Variants in SCN10A observed in about 807,000 individuals in gnomAD.
The protein encoded by SCN10A is sodium channel protein type 10 subunit alpha.
SCN10A carries 162 observed loss-of-function variants against 170.7 expected under a neutral mutation model. The observed-to-expected ratio is 0.95, with a 90% CI of 0.84 to 1.08. The LOEUF is 1.08. Ranked by LOEUF, SCN10A falls within the 50% of genes least tolerant of loss-of-function variation. The pLI is 0.00. For missense variants in SCN10A, 2,527 were observed against 2,436.9 expected (o/e 1.04, Z -0.78); for synonymous variants, 985 against 904.6 (o/e 1.09, Z -1.59).
chr3:38,725,076 G>A, intron 18 of SCN10A, 98 bp downstream of exon 18: 1 of 1,206,710 alleles, frequency 8.3e-7, no homozygotes, highest in African/African-American at 1.5e-5. Context: ...AGTGCAGTCT[G>A]GAATACCCCA....
At chr3:38,719,385 TTTTTTTTTTTTTTTTTTTTTTTTTTTG>T (rs1016829315) in intron 20 of SCN10A, among the ~76,000 whole-genome samples, 3 of 42,328 alleles carry the variant, frequency 7.1e-5, no homozygotes, top group African/African-American at 6.7e-4. Context: ...TTTTTTTTTT[TTTTTTTTTTTTTTTTTTTTTTTTTTTG>T]AGACGGAGTC....
At chr3:38,769,037 G>C (rs1451921165) in intron 5 of SCN10A, among the ~76,000 whole-genome samples, 1 of 151,954 alleles carries the variant, frequency 6.6e-6, no homozygotes, top group African/African-American at 2.4e-5. Flanking sequence ...ACTTGTTCTA[G>C]TCTATTGTTG....
chr3:38,729,263 A>T (rs1190706345), intron 15 of SCN10A, among the ~76,000 whole-genome samples: 1 of 152,072 alleles, frequency 6.6e-6, no homozygotes, highest in African/African-American at 2.4e-5. Flanking sequence ...CTCACAAATA[A>T]GTGAGAACAA....
At chr3:38,700,982 C>T (rs1307684271) in intron 27 of SCN10A, among the ~76,000 whole-genome samples, 4 of 152,166 alleles carry the variant, frequency 2.6e-5, no homozygotes, top group African/African-American at 9.7e-5. Flanking sequence ...AAGATTGGAG[C>T]CTGTTCTAAA....
chr3:38,802,968 C>A lies in SCN10A; in HGVS notation c.-32-8926G>T, dbSNP rs367687829. On this transcript the variant is annotated intron_variant, in intron 1 of 27. Coordinates refer to ENST00000449082, the MANE Select transcript of SCN10A (RefSeq NM_006514.4). ...AAATTTACAAGAAAAAAACAAACAACCCCATCAAAAAGTGGGCAAAGGATA... is the reference window on the plus strand; with the variant it reads ...AAATTTACAAGAAAAAAACAAACAAACCCATCAAAAAGTGGGCAAAGGATA... Among the ~76,000 whole-genome samples the A allele has an allele frequency of 1.3e-4, 20 of 152,260 alleles. No homozygotes were observed. In the South Asian group the frequency reaches 1.5e-3, roughly 11 times the overall value.
intron 5 of SCN10A, among the ~76,000 whole-genome samples, chr3:38,767,493 G>C: frequency 6.6e-6 from 1 of 151,816 alleles, no homozygotes; most frequent in Non-Finnish European, 1.5e-5. Context: ...TTTCATTGTT[G>C]ACCCAAAGAT....
chr3:38,788,897 G>C, intron 4 of SCN10A, 59 bp downstream of exon 4: 1 of 1,030,600 alleles, frequency 9.7e-7, no homozygotes, highest in East Asian at 2.4e-5. Context: ...AGACTGCCAA[G>C]TGAAGGAAGA....
intron 20 of SCN10A, among the ~76,000 whole-genome samples, chr3:38,720,621 G>A (rs1226779360): frequency 6.6e-6 from 1 of 152,148 alleles, no homozygotes; most frequent in Admixed American, 6.5e-5. Context: ...AAGGAGATGG[G>A]AGGGAAGGGA....
rs749875280 is a variant in SCN10A, at chr3:38,761,265, GC to G, written c.809del (p.Gly270AlafsTer30). On this transcript the variant is annotated frameshift_variant, in exon 7 of 28. Coordinates refer to ENST00000449082, the MANE Select transcript of SCN10A (RefSeq NM_006514.4). LOFTEE classifies it high-confidence loss of function. ...FALVGLQLFK[G>X]NLKNKCVKND... ...TCTTGACACATTTATTTTTGAGGTT[GC>G]CCTTGAAGAGTTGCAGCCCCACCAA... 6 of 1,613,808 alleles carry G rather than the reference GC, an allele frequency of 3.7e-6. No homozygotes were observed. In the African/African-American group the frequency reaches 8.0e-5, roughly 22 times the overall value.
intron 26 of SCN10A, 88 bp from the exon 27 acceptor site, chr3:38,702,197 T>C: frequency 1.5e-6 from 2 of 1,371,194 alleles, no homozygotes; most frequent in African/African-American, 1.5e-5. Context: ...TTTGTCTCCA[T>C]CACACTCCAC....
chr3:38,760,770 G>A, intron 7 of SCN10A, 23 bp from the exon 8 acceptor site: 2 of 1,596,810 alleles, frequency 1.3e-6, no homozygotes, highest in Non-Finnish European at 1.7e-6. Context: ...AGAAAAGAAA[G>A]CCTCACAGAT....
At chr3:38,718,577 C>T (rs1157123449) in intron 21 of SCN10A, 76 bp downstream of exon 21, 1 of 1,497,158 alleles carries the variant, frequency 6.7e-7, no homozygotes, top group Non-Finnish European at 9.1e-7. Flanking sequence ...GGTCTCTGAG[C>T]TTCCTTTGCC....
At chr3:38,809,535 T>C (rs1429713763) in intron 1 of SCN10A, among the ~76,000 whole-genome samples, 2 of 152,212 alleles carry the variant, frequency 1.3e-5, no homozygotes, top group East Asian at 3.8e-4. Flanking sequence ...ACTGTGTATT[T>C]ATCACAATTA....
intron 13 of SCN10A, among the ~76,000 whole-genome samples, chr3:38,748,134 G>A (rs1023290230): frequency 2.0e-5 from 3 of 152,158 alleles, no homozygotes; most frequent in Non-Finnish European, 4.4e-5. Context: ...TGTATTCAAT[G>A]TTTGCTGTTT....
At chr3:38,786,520 C>T (rs1211741594) in intron 4 of SCN10A, among the ~76,000 whole-genome samples, 1 of 152,036 alleles carries the variant, frequency 6.6e-6, no homozygotes, top group African/African-American at 2.4e-5. Flanking sequence ...GGAGAAATAC[C>T]TAATGTAGAT....
At chr3:38,719,274 A>C (rs1320898127) in intron 20 of SCN10A, among the ~76,000 whole-genome samples, 1 of 152,026 alleles carries the variant, frequency 6.6e-6, no homozygotes, top group Non-Finnish European at 1.5e-5. Context: ...AATTCAAATT[A>C]AAAGAAGATG....
At chr3:38,777,813 C>T (rs2064093632) in intron 4 of SCN10A, among the ~76,000 whole-genome samples, 1 of 151,804 alleles carries the variant, frequency 6.6e-6, no homozygotes, top group Non-Finnish European at 1.5e-5. Context: ...GTAGGAACCA[C>T]TTGGGAAATG....
Position 38,726,527 on chromosome 3 carries a change from T to G in SCN10A, c.3087+79A>C. On this transcript the variant is annotated intron_variant, in intron 17 of 27. Coordinates refer to ENST00000449082, the MANE Select transcript of SCN10A (RefSeq NM_006514.4). ...TCTTTATGTCAAGGTCTCCTCTGCATTTCCCTTTTGCCCTTTGTCACTCAA... is the reference window on the plus strand; with the variant it reads ...TCTTTATGTCAAGGTCTCCTCTGCAGTTCCCTTTTGCCCTTTGTCACTCAA... 5 of 1,189,272 alleles carry G rather than the reference T, an allele frequency of 4.2e-6. No individual in the cohort carries two copies. The South Asian group carries it at 8.3e-5, about 20-fold the overall frequency. The allele number at this position is 1,189,272 out of a possible 1,614,324, so 73.7% of individuals were successfully genotyped here. A position where few individuals can be genotyped will look rare whatever the true frequency, so the allele number is the denominator to read the frequency against.
intron 8 of SCN10A, among the ~76,000 whole-genome samples, chr3:38,758,446 A>C (rs2063833458): frequency 6.6e-6 from 1 of 152,282 alleles, no homozygotes; most frequent in African/African-American, 2.4e-5. Flanking sequence ...GCACTTCTGC[A>C]TAGTAAATAT....
Sources: allele counts gnomAD v4.1 joint callset (sites outside exome capture counted in the v4.1 genomes callset), GRCh38; gene constraint gnomAD v4.1.1; transcripts MANE v1.5; gene names NCBI Gene and HGNC (gene_info 2026-07-23, HGNC 2026-07-21).